DAB2IP: variants seen among roughly 807,000 people sequenced by gnomAD.
DAB2IP encodes disabled homolog 2-interacting protein.
A neutral mutation model predicts 107.2 loss-of-function variants in DAB2IP; 28 were observed. The ratio of observed to expected loss-of-function variants is 0.26; its 90% CI spans 0.19 to 0.36. DAB2IP has a LOEUF of 0.36. Among genes scored for constraint, DAB2IP ranks in the 10% least tolerant of loss-of-function variants. The pLI is 1.00. For synonymous variants in DAB2IP, 755 were observed against 706.4 expected, an observed-to-expected ratio of 1.07 and a Z score of -1.09; for missense variants, 1,400 against 1,644.7, an observed-to-expected ratio of 0.85 and a Z score of 2.57.
intron 14 of DAB2IP, among the ~76,000 whole-genome samples, chr9:121,777,965 A>G (rs1387108100): frequency 1.3e-5 from 2 of 152,178 alleles, no homozygotes; most frequent in African/African-American, 4.8e-5. Context: ...TCGTGTTGGT[A>G]TGGTATAGCT....
At position 121,764,293 on chromosome 9, in the gene DAB2IP, G is replaced by A. The variant is rs532931776; in HGVS notation, c.1460+414G>A. ...TGATGGGGCCAAGCAGGGGCACGTT[G>A]GGGGCCTGAGCACCAGGCAGGCCTC... is the stretch of plus-strand genomic sequence containing the variant. On this transcript the variant is annotated intron_variant, in intron 8 of 15. Coordinates refer to ENST00000408936, the Ensembl canonical transcript of DAB2IP. Among the ~76,000 whole-genome samples the A allele has an allele frequency of 1.1e-4, 16 of 152,286 alleles. No homozygotes were observed. In the South Asian group the frequency reaches 3.3e-3, roughly 32 times the overall value.
chr9:121,642,036 TTTCTTTC>T (rs1832362680), intron 1 of DAB2IP, among the ~76,000 whole-genome samples: 1 of 42,464 alleles, frequency 2.4e-5, no homozygotes, highest in Non-Finnish European at 4.2e-5. Context: ...TCTCTCTTTC[TTTCTTTC>T]TTTCTTTCTT....
At chr9:121,734,996 T>C (rs1229464076) in intron 3 of DAB2IP, among the ~76,000 whole-genome samples, 2 of 152,224 alleles carry the variant, frequency 1.3e-5, no homozygotes, top group Non-Finnish European at 2.9e-5. Flanking sequence ...TTGGTTTGGC[T>C]GCTCTGGAGC....
chr9:121,647,136 G>T (rs1832566448), upstream of DAB2IP, among the ~76,000 whole-genome samples: 1 of 152,068 alleles, frequency 6.6e-6, no homozygotes, highest in Non-Finnish European at 1.5e-5. Context: ...AGAAGCCTTG[G>T]GTTTCTGTGG....
chr9:121,769,363 A>T (rs1350485948), intron 10 of DAB2IP, among the ~76,000 whole-genome samples: 1 of 151,966 alleles, frequency 6.6e-6, no homozygotes, highest in Admixed American at 6.6e-5. Flanking sequence ...GTAAGCGCAC[A>T]CACACATGCA....
At chr9:121,673,398 C>CTA (rs1833759953) in intron 1 of DAB2IP, among the ~76,000 whole-genome samples, 1 of 152,184 alleles carries the variant, frequency 6.6e-6, no homozygotes, top group African/African-American at 2.4e-5. Context: ...ATGGAACTCA[C>CTA]TATAGAGCTG....
intron 1 of DAB2IP, among the ~76,000 whole-genome samples, chr9:121,645,683 G>A (rs1832512332): frequency 6.6e-6 from 1 of 152,182 alleles, no homozygotes; most frequent in East Asian, 1.9e-4. Context: ...CATGGGTTAG[G>A]GAGGGTCCTC....
chr9:121,773,318 C>G, exon 12 of DAB2IP: 2 of 1,526,916 alleles, frequency 1.3e-6, no homozygotes, highest in Non-Finnish European at 1.8e-6. Flanking sequence ...CACCTCCTGC[C>G]CCCCGCGGCC....
chr9:121,723,898 C>T (rs1339585610), intron 3 of DAB2IP, among the ~76,000 whole-genome samples: 1 of 152,126 alleles, frequency 6.6e-6, no homozygotes, highest in Non-Finnish European at 1.5e-5. Flanking sequence ...CAAGGTACTT[C>T]ATCATCAGTC....
Position 121,670,806 on chromosome 9 carries a change from C to T in DAB2IP, c.125-7872C>T, listed in dbSNP as rs149926712. On this transcript the variant is annotated intron_variant, in intron 1 of 15. Coordinates refer to ENST00000408936, the Ensembl canonical transcript of DAB2IP. ...CCGAGGCTGGCGGATCACTTGAAGT[C>T]AGGAGTTCAGGACCAGCCTAGCCAA... is the stretch of plus-strand genomic sequence containing the variant. 4.3e-3 allele frequency among the ~76,000 whole-genome samples: 648 copies of T among 152,104 alleles called. 9 individuals are homozygous for T. The highest frequency in any genetic ancestry group is 0.015 in the African/African-American group (637 of 41,482).
chr9:121,666,176 C>T (rs79849999), intron 1 of DAB2IP, among the ~76,000 whole-genome samples: 7,883 of 152,270 alleles, frequency 0.052, 301 homozygotes, highest in Middle Eastern at 0.095. Context: ...GTCACTCCCA[C>T]CTCTGCTTCC....
chr9:121,661,104 C>T (rs1339897675), intron 1 of DAB2IP, among the ~76,000 whole-genome samples: 3 of 152,092 alleles, frequency 2.0e-5, no homozygotes, highest in East Asian at 3.9e-4. Context: ...GGGGGATGCC[C>T]GGCAGGCTGT....
intron 3 of DAB2IP, among the ~76,000 whole-genome samples, chr9:121,730,088 G>C (rs1831442780): frequency 6.6e-6 from 1 of 152,128 alleles, no homozygotes; most frequent in Non-Finnish European, 1.5e-5. Context: ...TCCACGCTTT[G>C]TGGTTCTCAC....
Position 121,774,425 on chromosome 9 carries a change from C to G in DAB2IP, c.3120+13C>G. 1 of 1,603,448 alleles carries G rather than the reference C, an allele frequency of 6.2e-7. No homozygotes were observed. The highest frequency in any genetic ancestry group is 8.5e-7 in the Non-Finnish European group (1 of 1,176,200). On this transcript the variant is annotated intron_variant, in intron 13 of 15. Transcript: ENST00000408936. ...CCAAGCAGAAAAGGTAAAACTGGACCCTGGCGGCTCGGGACAGGGCGGGGC... is the reference window on the plus strand; with the variant it reads ...CCAAGCAGAAAAGGTAAAACTGGACGCTGGCGGCTCGGGACAGGGCGGGGC...
At chr9:121,602,787 G>A (rs1830732719) in intron 1 of DAB2IP, among the ~76,000 whole-genome samples, 1 of 152,176 alleles carries the variant, frequency 6.6e-6, no homozygotes, top group African/African-American at 2.4e-5. Context: ...GTGTTAGCCA[G>A]GATGGCCTTG....
In DAB2IP at chr9:121,713,442, A is replaced by G. The variant is rs531399850; in HGVS notation, c.362+13984A>G. Among the ~76,000 whole-genome samples the G allele has an allele frequency of 2.8e-3, 424 of 152,290 alleles. 3 individuals carry two copies. The highest frequency in any genetic ancestry group is 9.5e-3 in the African/African-American group (393 of 41,546). ...CCTGGCTTTGGAGCCATTTGTAGAC[A>G]GGGGCCTAAAACCGCCAGATGCCTG... On this transcript the variant is annotated intron_variant, in intron 3 of 15. Transcript: ENST00000408936.
At chr9:121,686,185 A>AC (rs1409690649) in intron 2 of DAB2IP, among the ~76,000 whole-genome samples, 16 of 151,964 alleles carry the variant, frequency 1.1e-4, no homozygotes, top group Middle Eastern at 3.4e-3. Context: ...GCCTGTTCCA[A>AC]CCCCCCCAAC....
At chr9:121,641,830 TTTC>T (rs1208089975) in intron 1 of DAB2IP, among the ~76,000 whole-genome samples, 1 of 151,780 alleles carries the variant, frequency 6.6e-6, no homozygotes, top group Non-Finnish European at 1.5e-5. Flanking sequence ...TTCCTCTTTC[TTTC>T]TTTTCTTTCT....
At chr9:121,768,482 A>T (rs1834461668) in exon 10 of DAB2IP, 21 of 1,614,180 alleles carry the variant, frequency 1.3e-5, no homozygotes, top group Non-Finnish European at 1.8e-5. Flanking sequence ...TTCCTAGAGC[A>T]TGAGTGGACC....
Sources: allele counts gnomAD v4.1 joint callset (sites outside exome capture counted in the v4.1 genomes callset), GRCh38; gene constraint gnomAD v4.1.1; transcripts MANE v1.5; gene names NCBI Gene and HGNC (gene_info 2026-07-23, HGNC 2026-07-21).